The following MARCHF8 variants were observed in gnomAD, a reference collection of about 807,000 sequenced individuals.
The protein encoded by MARCHF8 is E3 ubiquitin-protein ligase MARCHF8.
MARCHF8 carries 40 observed loss-of-function variants against 51.6 expected under a neutral mutation model. That is an observed-to-expected ratio of 0.77 (90% CI 0.60 to 1.01). The LOEUF (loss-of-function observed/expected upper bound fraction) is 1.01, where lower values mean the gene tolerates loss of function less well. Among genes scored for constraint, MARCHF8 ranks in the 50% least tolerant of loss-of-function variants. The pLI is 0.00. For synonymous variants in MARCHF8, 263 were observed against 280.3 expected (o/e 0.94, Z 0.62); for missense variants, 685 against 708.6 (o/e 0.97, Z 0.38).
At chr10:45,464,154 CA>C (rs1842889863) in intron 4 of MARCHF8, 84 bp downstream of exon 4, 8 of 1,570,036 alleles carry the variant, frequency 5.1e-6, no homozygotes, top group Non-Finnish European at 7.0e-6. Context: ...ATTGATTAAG[CA>C]AATGGAAATT....
chr10:45,463,313 T>C lies in MARCHF8; in HGVS notation c.926A>G (p.Asp309Gly). The C allele has an allele frequency of 6.4e-7, 1 of 1,550,970 alleles. No homozygotes were observed. Among genetic ancestry groups the C allele is most frequent in the Non-Finnish European group, 8.7e-7 (1 of 1,147,076 alleles). Residue 309 changes from aspartate to glycine, a missense_variant, in exon 5 of 8, where the codon GAC becomes GGC. Physicochemically the swap from Asp to Gly is moderately conservative, Grantham distance 94 (BLOSUM62 -1). Coordinates refer to ENST00000453424, the MANE Select transcript of MARCHF8 (RefSeq NM_001282866.2). Reference sequence around the variant, plus strand: ...TGTGCTGTCCTCAAAGACATCGTCGTCTCCCATCTCGTCAGAGCAGAAGCC... The same window carrying C: ...TGTGCTGTCCTCAAAGACATCGTCGCCTCCCATCTCGTCAGAGCAGAAGCC... The part of the protein sequence containing the change: ...SMGFCSDEMG[D>G]DDVFEDSTSA...
intron 1 of MARCHF8, among the ~76,000 whole-genome samples, chr10:45,551,120 G>C (rs2044189474): frequency 6.6e-6 from 1 of 152,126 alleles, no homozygotes; most frequent in South Asian, 2.1e-4. Flanking sequence ...GTCAATACAT[G>C]ACTCAGCTGA....
At chr10:45,492,915 A>T (rs914644485) in intron 2 of MARCHF8, among the ~76,000 whole-genome samples, 1 of 152,208 alleles carries the variant, frequency 6.6e-6, no homozygotes, top group African/African-American at 2.4e-5. Context: ...GAGCATCCCA[A>T]ATCTGAGAAT....
At chr10:45,466,600 T>TA (rs1387659898) in intron 3 of MARCHF8, among the ~76,000 whole-genome samples, 4 of 152,136 alleles carry the variant, frequency 2.6e-5, no homozygotes, top group Admixed American at 1.3e-4. Context: ...GGAAAGTACC[T>TA]AGTCACCCTC....
In MARCHF8 at chr10:45,550,053, C is replaced by T. The variant is rs189769553; in HGVS notation, c.-78-16764G>A. Among the ~76,000 whole-genome samples the T allele has an allele frequency of 1.1e-3, 169 of 152,270 alleles. 1 individual carries two copies. The highest frequency in any genetic ancestry group is 3.9e-3 in the African/African-American group (164 of 41,564). ...CAGAGCTGGGAGCGGGGACAGGGGG[C>T]AGTGATTCATTAGGAGCCGTTTTGT... is the stretch of plus-strand genomic sequence containing the variant. On this transcript the variant is annotated intron_variant, in intron 1 of 6. Transcript: ENST00000319836.
intron 2 of MARCHF8, among the ~76,000 whole-genome samples, chr10:45,489,908 C>T (rs71515355): frequency 6.6e-6 from 1 of 152,090 alleles, no homozygotes; most frequent in African/African-American, 2.4e-5. Flanking sequence ...AATACTCAAT[C>T]GGGATATCAC....
intron 1 of MARCHF8, among the ~76,000 whole-genome samples, chr10:45,543,116 A>G (rs1002316372): frequency 1.3e-5 from 2 of 152,198 alleles, no homozygotes; most frequent in African/African-American, 4.8e-5. Context: ...TGCAGCCCTC[A>G]TGTTATTTGA....
intron 3 of MARCHF8, among the ~76,000 whole-genome samples, chr10:45,474,680 G>A (rs951900773): frequency 1.2e-4 from 18 of 152,196 alleles, no homozygotes; most frequent in Non-Finnish European, 7.3e-5. Flanking sequence ...CCAAAATAGC[G>A]AGGAAGAATC....
At chr10:45,476,005 C>T (rs536141705) in intron 3 of MARCHF8, among the ~76,000 whole-genome samples, 5 of 152,162 alleles carry the variant, frequency 3.3e-5, no homozygotes, top group Admixed American at 6.5e-5. Context: ...TACTACTGCA[C>T]ACAATGAGAA....
intron 1 of MARCHF8, among the ~76,000 whole-genome samples, chr10:45,589,931 G>T (rs762355167): frequency 3.4e-4 from 51 of 152,150 alleles, no homozygotes; most frequent in Non-Finnish European, 5.4e-4. Flanking sequence ...TATATACCTA[G>T]GAGTGGAACT....
intron 1 of MARCHF8, among the ~76,000 whole-genome samples, chr10:45,560,706 C>T (rs1266370785): frequency 1.3e-5 from 2 of 152,192 alleles, no homozygotes; most frequent in East Asian, 1.9e-4. Flanking sequence ...GTCTGCGGGT[C>T]GGACCCCACA....
chr10:45,512,214 C>A (rs1044011783), intron 2 of MARCHF8, among the ~76,000 whole-genome samples: 1 of 151,564 alleles, frequency 6.6e-6, no homozygotes, highest in Admixed American at 6.6e-5. Context: ...GCAACCGCCC[C>A]GTCTGAGAAG....
At chr10:45,527,008 C>CT in intron 2 of MARCHF8, among the ~76,000 whole-genome samples, 1 of 152,120 alleles carries the variant, frequency 6.6e-6, no homozygotes, top group Non-Finnish European at 1.5e-5. Flanking sequence ...AATTAACCTG[C>CT]TCTTGAATGA....
At chr10:45,495,633 G>A (rs1423043845) in intron 2 of MARCHF8, among the ~76,000 whole-genome samples, 2 of 151,810 alleles carry the variant, frequency 1.3e-5, no homozygotes, top group South Asian at 2.1e-4. Flanking sequence ...AAGAGTAAAC[G>A]TACCATAATT....
chr10:45,560,991 A>G (rs912709109), intron 1 of MARCHF8, among the ~76,000 whole-genome samples: 3 of 152,140 alleles, frequency 2.0e-5, no homozygotes, highest in Non-Finnish European at 4.4e-5. Context: ...AGTACAAAAA[A>G]GGTAACAGTC....
At chr10:45,568,359 G>A (rs1458334565) in intron 1 of MARCHF8, among the ~76,000 whole-genome samples, 3 of 152,176 alleles carry the variant, frequency 2.0e-5, no homozygotes, top group Admixed American at 2.0e-4. Flanking sequence ...AGATCTTGGA[G>A]CAAGGGTGTC....
chr10:45,496,235 T>C (rs1005023541), intron 2 of MARCHF8, among the ~76,000 whole-genome samples: 4 of 152,168 alleles, frequency 2.6e-5, no homozygotes, highest in Admixed American at 1.3e-4. Context: ...TGTGTAACTA[T>C]AAGACAATAT....
intron 1 of MARCHF8, among the ~76,000 whole-genome samples, chr10:45,545,982 A>C (rs2044115384): frequency 6.6e-6 from 1 of 152,182 alleles, no homozygotes; most frequent in African/African-American, 2.4e-5. Context: ...AGCTCTGAGA[A>C]ATTTCAGGGA....
chr10:45,566,566 C>T (rs2044367049), intron 1 of MARCHF8, among the ~76,000 whole-genome samples: 1 of 152,106 alleles, frequency 6.6e-6, no homozygotes, highest in Non-Finnish European at 1.5e-5. Flanking sequence ...ACATAATGAT[C>T]TCCAGTTCCA....
Sources: gnomAD v4.1 joint callset for allele counts (sites outside exome capture counted in the v4.1 genomes callset) on GRCh38, gnomAD v4.1.1 for gene constraint, MANE v1.5 for transcripts, NCBI Gene and HGNC (gene_info 2026-07-23, HGNC 2026-07-21) for gene names.